The following CAPN1 variants were observed in gnomAD, a reference collection of about 807,000 sequenced individuals.
The protein encoded by CAPN1 is calpain 1.
In CAPN1, 77 loss-of-function variants were observed where a neutral mutation model predicts 105.2. The ratio of observed to expected loss-of-function variants is 0.73; its 90% confidence interval spans 0.61 to 0.88. The LOEUF is 0.88. Ranked by LOEUF, CAPN1 falls within the 40% of genes least tolerant of loss-of-function variation. The pLI is 0.00. For synonymous variants in CAPN1, 355 were observed against 388.8 expected (o/e 0.91, Z 1.02); for missense variants, 833 against 976.6 (o/e 0.85, Z 1.96).
At chr11:65,204,188 T>C (rs678296) in intron 10 of CAPN1, among the ~76,000 whole-genome samples, 111,314 of 152,052 alleles carry the variant, frequency 0.73, 41,644 homozygotes, top group Middle Eastern at 0.87. Context: ...GTGGGAGGGT[T>C]CTTACCCTTT....
chr11:65,183,427 C>CG (rs1474553306), intron 3 of CAPN1, 47 bp from the exon 4 acceptor site: 1 of 1,436,248 alleles, frequency 7.0e-7, no homozygotes, highest in Admixed American at 1.7e-5. Flanking sequence ...CTTCCCCCCC[C>CG]GGGGCAGGTT....
chr11:65,208,628 A>C lies in CAPN1; in HGVS notation c.1729+366A>C, dbSNP rs1948999226. 5.8e-6 allele frequency: 2 copies of C among 345,314 alleles called. No homozygotes were observed. Among genetic ancestry groups the C allele is most frequent in the South Asian group, 2.6e-5 (1 of 38,512 alleles). 21.4% of individuals were successfully genotyped at this position (345,314 alleles called of 1,614,324 possible). A position where few individuals can be genotyped will look rare whatever the true frequency, so the allele number is the denominator to read the frequency against. On this transcript the variant is annotated intron_variant, in intron 16 of 21. Coordinates refer to ENST00000279247, the MANE Select transcript of CAPN1 (RefSeq NM_005186.4). This position sits in a 1 kb window ranked among gnomAD's most constrained non-coding sequence, Gnocchi z 4.1. ...CCCTGTCTCTGCAAAAAAGTACAAAAATTAGCTGGGCGTGGTGGCATGCAC... is the reference window on the plus strand; with the variant it reads ...CCCTGTCTCTGCAAAAAAGTACAAACATTAGCTGGGCGTGGTGGCATGCAC...
In CAPN1 at chr11:65,182,773, G is replaced by A; in HGVS notation, c.72G>A (p.Arg24=). The A allele has an allele frequency of 6.3e-7, 1 of 1,582,054 alleles. No individual in the cohort carries two copies. Among genetic ancestry groups the A allele is most frequent in the Admixed American group, 1.8e-5 (1 of 54,548 alleles). The stretch of plus-strand genomic sequence containing the variant: ...CCCAAGTGCAGAAGCAGCGGGCCAG[G>A]GAGCTGGGCCTGGGCCGCCATGAGA... ...VSAQVQKQRA[R]ELGLGRHENA... is the part of the protein sequence containing the mutation. Residue 24 remains arginine, a synonymous_variant, in exon 2 of 22, where the codon AGG becomes AGA. Transcript: ENST00000279247.
chr11:65,211,140 C>A, intron 21 of CAPN1, 120 bp from the exon 22 acceptor site: 1 of 1,136,758 alleles, frequency 8.8e-7, no homozygotes, highest in Non-Finnish European at 1.3e-6. Context: ...GTAACCCCTC[C>A]ATGAGGTTCC....
intron 4 of CAPN1, among the ~76,000 whole-genome samples, chr11:65,184,814 CCT>C (rs757042567): frequency 2.6e-5 from 4 of 152,128 alleles, no homozygotes; most frequent in Non-Finnish European, 5.9e-5. Context: ...GAGGAGGAAC[CCT>C]GTTTGTTCAG....
chr11:65,185,682 C>T (rs1225219196), intron 4 of CAPN1, among the ~76,000 whole-genome samples: 1 of 149,852 alleles, frequency 6.7e-6, no homozygotes, highest in Non-Finnish European at 1.5e-5. Context: ...TCTAGAGGTA[C>T]ACATGCATCT....
rs748437197 is a variant in CAPN1 at position 65,183,207 on chromosome 11, C to T, written c.337+10C>T. On this transcript the variant is annotated intron_variant, in intron 3 of 21. Transcript: ENST00000279247. ...TGCCAGGGAGCACTGGGTAGGCCCC[C>T]AGGGCGTCGGGTCCCGGGTATTTTT... 9.3e-6 allele frequency: 15 copies of T among 1,613,408 alleles called. No homozygotes were observed. In the Admixed American group the frequency reaches 2.3e-4, roughly 25 times the overall value.
intron 7 of CAPN1, 132 bp from the exon 8 acceptor site, chr11:65,187,823 C>T (rs1223182930): frequency 1.4e-5 from 9 of 632,296 alleles, no homozygotes; most frequent in African/African-American, 3.8e-5. Context: ...ACCCAGGAGG[C>T]GGAGGTTGCA....
Position 65,209,768 on chromosome 11 carries a change from G to T in CAPN1, c.1795-81G>T. The T allele has an allele frequency of 7.1e-7, 1 of 1,399,294 alleles. No individual in the cohort carries two copies. The highest frequency in any genetic ancestry group is 1.2e-5 in the South Asian group (1 of 81,702). 86.7% of individuals were successfully genotyped at this position (1,399,294 alleles called of 1,614,324 possible). A position where few individuals can be genotyped will look rare whatever the true frequency, so the allele number is the denominator to read the frequency against. On this transcript the variant is annotated intron_variant, in intron 17 of 21. Transcript: ENST00000279247. The surrounding 1 kb of genome is among the most constrained non-coding windows in gnomAD (Gnocchi z 4.1). ...CCCCAAGTCGACTTGCCGGCTCGGCGGCCATCTCCCCTTCTGCACAGTTGC... is the reference window on the plus strand; with the variant it reads ...CCCCAAGTCGACTTGCCGGCTCGGCTGCCATCTCCCCTTCTGCACAGTTGC...
Position 65,210,894 on chromosome 11 carries a change from T to C in CAPN1, c.2118+22T>C. 1 of 1,587,080 alleles carries C rather than the reference T, an allele frequency of 6.3e-7. No homozygotes were observed. ...TAAGGTGGGAACCTCCCTGGGCCCA[T>C]GGTTGGGGAAGAGTTCCAGGCGATC... On this transcript the variant is annotated intron_variant, in intron 21 of 21. Transcript: ENST00000279247. This position sits in a 1 kb window ranked among gnomAD's most constrained non-coding sequence, Gnocchi z 4.3.
At chr11:65,198,277 T>C (rs1948820366) in intron 10 of CAPN1, among the ~76,000 whole-genome samples, 1 of 151,910 alleles carries the variant, frequency 6.6e-6, no homozygotes, top group South Asian at 2.1e-4. Flanking sequence ...AGTAGCTGAG[T>C]GGTACTACAG....
intron 10 of CAPN1, among the ~76,000 whole-genome samples, chr11:65,196,351 C>A (rs1162985506): frequency 6.6e-6 from 1 of 151,638 alleles, no homozygotes; most frequent in Non-Finnish European, 1.5e-5. Flanking sequence ...TTAATAAATC[C>A]ATTTTTTATT....
chr11:65,182,654 T>A (rs1948556543), intron 1 of CAPN1, 47 bp from the exon 2 acceptor site: 4 of 1,467,228 alleles, frequency 2.7e-6, no homozygotes. Context: ...GCCCAGGTTC[T>A]AGTCTTGGGA....
At chr11:65,183,911 A>T (rs533500006) in intron 4 of CAPN1, among the ~76,000 whole-genome samples, 1 of 152,254 alleles carries the variant, frequency 6.6e-6, no homozygotes, top group East Asian at 1.9e-4. Context: ...CTGAGAAAGG[A>T]GTGTTCGCTG....
In CAPN1 at chr11:65,211,354, C is replaced by T. The variant is rs947493891; in HGVS notation, c.*68C>T. 5 of 1,521,000 alleles carry T rather than the reference C, an allele frequency of 3.3e-6. No homozygotes were observed. The highest frequency in any genetic ancestry group is 3.6e-6 in the Non-Finnish European group (4 of 1,106,232). 94.2% of individuals were successfully genotyped at this position (1,521,000 alleles called of 1,614,324 possible). ...GTCTGCCAAGCCTCGCCTCCTACCA[C>T]ACCACACCAGGCCACCCCAGCTGCA... On this transcript the variant is annotated 3_prime_UTR_variant, in exon 22 of 22. Coordinates refer to ENST00000279247, the MANE Select transcript of CAPN1 (RefSeq NM_005186.4).
intron 10 of CAPN1, among the ~76,000 whole-genome samples, chr11:65,192,275 C>T (rs1301982478): frequency 6.6e-6 from 1 of 152,154 alleles, no homozygotes; most frequent in African/African-American, 2.4e-5. Context: ...GCTTTTCTAA[C>T]GTTAAATCAA....
chr11:65,210,276 C>T lies in CAPN1; in HGVS notation c.1943-60C>T. 3 of 1,306,896 alleles carry T rather than the reference C, an allele frequency of 2.3e-6. No homozygotes were observed. Among genetic ancestry groups the T allele is most frequent in the East Asian group, 2.4e-5 (1 of 41,880 alleles). The allele number at this position is 1,306,896 out of a possible 1,614,324, so 81.0% of individuals were successfully genotyped here. ...GCCCCCTCCTGGGGACCCAACCCCT[C>T]CCCCATCCTGTTGGGCAGGGGCTGC... On this transcript the variant is annotated intron_variant, in intron 19 of 21. Coordinates refer to ENST00000279247, the MANE Select transcript of CAPN1 (RefSeq NM_005186.4). This position sits in a 1 kb window ranked among gnomAD's most constrained non-coding sequence, Gnocchi z 4.3.
At chr11:65,198,853 T>C (rs1206799313) in intron 10 of CAPN1, among the ~76,000 whole-genome samples, 1 of 152,050 alleles carries the variant, frequency 6.6e-6, no homozygotes, top group Admixed American at 6.6e-5. Context: ...TGGGGGGCAG[T>C]TGACGGAGTC....
At chr11:65,198,445 C>T (rs1395365327) in intron 10 of CAPN1, among the ~76,000 whole-genome samples, 1 of 152,088 alleles carries the variant, frequency 6.6e-6, no homozygotes, top group African/African-American at 2.4e-5. Context: ...TGTGCCCAGC[C>T]CTAATCAATG....
Sources: gnomAD v4.1 joint callset for allele counts (sites outside exome capture counted in the v4.1 genomes callset) on GRCh38, gnomAD v4.1.1 for gene constraint, Gnocchi (gnomAD v3.1) non-coding constraint, MANE v1.5 for transcripts, NCBI Gene and HGNC (gene_info 2026-07-23, HGNC 2026-07-21) for gene names.